The following LYPD6B variants were observed in gnomAD, a reference collection of about 807,000 sequenced individuals.
LYPD6B encodes ly6/PLAUR domain-containing protein 6B.
LYPD6B carries 17 observed loss-of-function variants against 22.8 expected under a neutral mutation model. The observed-to-expected ratio is 0.75, with a 90% confidence interval of 0.51 to 1.12. LYPD6B has a LOEUF of 1.12. LYPD6B is among the 50% of genes most tolerant of loss of function. The pLI is 0.00. For synonymous variants in LYPD6B, 106 were observed against 91.6 expected, an observed-to-expected ratio of 1.16 and a Z score of -0.90; for missense variants, 221 against 258.3, an observed-to-expected ratio of 0.86 and a Z score of 0.99.
intron 2 of LYPD6B, among the ~76,000 whole-genome samples, chr2:149,134,850 A>G (rs7596282): frequency 1.3e-5 from 2 of 152,168 alleles, no homozygotes; most frequent in Admixed American, 1.3e-4. Context: ...GTAGCGAGGC[A>G]TGCAAGGTTA....
chr2:149,160,390 G>A lies in LYPD6B; in HGVS notation c.6-374G>A, dbSNP rs932953385. 10 of 459,220 alleles carry A rather than the reference G, an allele frequency of 2.2e-5. 1 individual carries two copies. The highest frequency in any genetic ancestry group is 9.4e-5 in the Admixed American group (4 of 42,630). 28.4% of individuals were successfully genotyped at this position (459,220 alleles called of 1,614,324 possible). A position where few individuals can be genotyped will look rare whatever the true frequency, so the allele number is the denominator to read the frequency against. On this transcript the variant is annotated intron_variant, in intron 2 of 6. Coordinates refer to ENST00000409642, the MANE Select transcript of LYPD6B (RefSeq NM_177964.5). The stretch of plus-strand genomic sequence containing the variant: ...GATGTGTTGAATGTGTGAATGCTAC[G>A]GCCTGCCAAATACCCTGATATATGC...
At chr2:149,073,107 A>G (rs1335571247) in intron 1 of LYPD6B, among the ~76,000 whole-genome samples, 1 of 152,170 alleles carries the variant, frequency 6.6e-6, no homozygotes, top group Non-Finnish European at 1.5e-5. Flanking sequence ...GCTGGGTTTA[A>G]TGATGATGAT....
At chr2:149,125,025 C>G (rs1053696094) in intron 1 of LYPD6B, among the ~76,000 whole-genome samples, 1 of 152,154 alleles carries the variant, frequency 6.6e-6, no homozygotes, top group Non-Finnish European at 1.5e-5. Context: ...TTCTAAGAAG[C>G]AAGTTGGTGT....
chr2:149,184,048 C>A (rs373156956), intron 3 of LYPD6B, among the ~76,000 whole-genome samples: 1 of 151,908 alleles, frequency 6.6e-6, no homozygotes, highest in South Asian at 2.1e-4. Flanking sequence ...CAAAATTAGC[C>A]GGGCATGGTG....
At chr2:149,126,718 G>C (rs1687719166) in intron 1 of LYPD6B, among the ~76,000 whole-genome samples, 1 of 152,052 alleles carries the variant, frequency 6.6e-6, no homozygotes, top group Admixed American at 6.6e-5. Flanking sequence ...TGGGATATAG[G>C]GTGTCTCTGC....
At chr2:149,187,887 T>C (rs1692227827) in intron 3 of LYPD6B, among the ~76,000 whole-genome samples, 1 of 152,196 alleles carries the variant, frequency 6.6e-6, no homozygotes, top group African/African-American at 2.4e-5. Flanking sequence ...ATTGGATTAT[T>C]TTATGAAATT....
chr2:149,075,690 G>A (rs1250587747), intron 1 of LYPD6B, among the ~76,000 whole-genome samples: 3 of 152,170 alleles, frequency 2.0e-5, no homozygotes, highest in Admixed American at 2.0e-4. Context: ...CTCCAGGTTT[G>A]TGGAAAATCT....
intron 2 of LYPD6B, among the ~76,000 whole-genome samples, chr2:149,152,122 T>C (rs759242488): frequency 6.6e-6 from 1 of 151,986 alleles, no homozygotes; most frequent in Non-Finnish European, 1.5e-5. Flanking sequence ...ACAGAATTTC[T>C]TTTATGTTTC....
intron 1 of LYPD6B, among the ~76,000 whole-genome samples, chr2:149,121,333 A>G (rs1420441336): frequency 6.6e-6 from 1 of 152,182 alleles, no homozygotes; most frequent in Non-Finnish European, 1.5e-5. Flanking sequence ...TATGCAATTC[A>G]TCTTAATGGG....
chr2:149,052,636 G>T (rs1214386350), intron 1 of LYPD6B, among the ~76,000 whole-genome samples: 1 of 152,142 alleles, frequency 6.6e-6, no homozygotes, highest in East Asian at 1.9e-4. Flanking sequence ...GGGTGCAGAG[G>T]TGTTGCCTGG....
chr2:149,053,174 A>C (rs555287665), intron 1 of LYPD6B, among the ~76,000 whole-genome samples: 1 of 152,236 alleles, frequency 6.6e-6, no homozygotes, highest in Non-Finnish European at 1.5e-5. Context: ...TCGTACATAC[A>C]TACATACATA....
intron 1 of LYPD6B, among the ~76,000 whole-genome samples, chr2:149,126,326 A>G (rs1361984353): frequency 6.6e-6 from 1 of 152,144 alleles, no homozygotes; most frequent in East Asian, 1.9e-4. Flanking sequence ...TATGATTTCT[A>G]ACTCCCCCAA....
At chr2:149,189,640 A>T (rs188495830) in intron 3 of LYPD6B, among the ~76,000 whole-genome samples, 1 of 151,944 alleles carries the variant, frequency 6.6e-6, no homozygotes, top group Non-Finnish European at 1.5e-5. Context: ...TCACAACACT[A>T]TATACATAAA....
At chr2:149,067,563 G>GT (rs138223442) in intron 1 of LYPD6B, among the ~76,000 whole-genome samples, 37,251 of 146,100 alleles carry the variant, frequency 0.25, 4,858 homozygotes, top group African/African-American at 0.31. Context: ...TTAAAACTTT[G>GT]TTTTTTTTTT....
At chr2:149,088,725 G>T (rs1232679074) in intron 1 of LYPD6B, among the ~76,000 whole-genome samples, 1 of 152,180 alleles carries the variant, frequency 6.6e-6, no homozygotes, top group Non-Finnish European at 1.5e-5. Context: ...AAGAGATTTA[G>T]TGGTAGGACC....
intron 1 of LYPD6B, among the ~76,000 whole-genome samples, chr2:149,066,326 G>A (rs1299700880): frequency 3.4e-4 from 42 of 124,208 alleles, no homozygotes; most frequent in African/African-American, 9.0e-4. Flanking sequence ...TCCCTCCCCC[G>A]TCCCCCCACC....
At chr2:149,155,879 C>G (rs903215581) in intron 2 of LYPD6B, among the ~76,000 whole-genome samples, 10 of 152,216 alleles carry the variant, frequency 6.6e-5, no homozygotes, top group African/African-American at 2.4e-4. Flanking sequence ...CCTGTGTGAA[C>G]TCTTCCAGTG....
intron 2 of LYPD6B, among the ~76,000 whole-genome samples, chr2:149,134,926 T>C (rs1348608491): frequency 6.6e-6 from 1 of 152,152 alleles, no homozygotes. Flanking sequence ...TGGGAAATAT[T>C]TAAAGCAACC....
intron 1 of LYPD6B, among the ~76,000 whole-genome samples, chr2:149,106,241 C>T (rs1686465854): frequency 6.6e-6 from 1 of 151,916 alleles, no homozygotes; most frequent in Non-Finnish European, 1.5e-5. Context: ...TATTGGTTTG[C>T]AATTTTCTTT....
Sources: gnomAD v4.1 joint callset for allele counts (sites outside exome capture counted in the v4.1 genomes callset) on GRCh38, gnomAD v4.1.1 for gene constraint, MANE v1.5 for transcripts, NCBI Gene and HGNC (gene_info 2026-07-23, HGNC 2026-07-21) for gene names.